The following GOLGA6L7 variants were observed in gnomAD, a reference collection of about 807,000 sequenced individuals.
GOLGA6L7 encodes the protein golgin A6 family like 7.
Under a neutral mutation model 68.9 loss-of-function variants are expected in GOLGA6L7, and 29 were observed. That is an observed-to-expected ratio of 0.42 (90% confidence interval 0.31 to 0.57). The LOEUF (loss-of-function observed/expected upper bound fraction) is 0.57. Ranked by LOEUF, GOLGA6L7 falls within the 20% of genes least tolerant of loss-of-function variation. GOLGA6L7 has a pLI of 0.13. For synonymous variants in GOLGA6L7, 133 were observed against 197.4 expected, an observed-to-expected ratio of 0.67 and a Z score of 2.73; for missense variants, 396 against 588.4, an observed-to-expected ratio of 0.67 and a Z score of 3.38.
rs372790445 is a variant in GOLGA6L7, at chr15:28,843,884, G to A, written c.522-9C>T. ...GCTCCTTATTGGTTATGCTATGGCC[G>A]GAGGCAGTAGAGAAAGGAATGAACG... On this transcript the variant is annotated splice_polypyrimidine_tract_variant and intron_variant, in intron 7 of 8. Transcript: ENST00000567390. 51 of 1,098,452 alleles carry A rather than the reference G, an allele frequency of 4.6e-5. No homozygotes were observed. The highest frequency in any genetic ancestry group is 1.5e-4 in the East Asian group (6 of 41,364). 68.0% of individuals were successfully genotyped at this position (1,098,452 alleles called of 1,614,324 possible). A position where few individuals can be genotyped will look rare whatever the true frequency, so the allele number is the denominator to read the frequency against.
At chr15:28,848,401 G>C (rs1232435281) in intron 1 of GOLGA6L7, 98 bp downstream of exon 1, 8 of 667,536 alleles carry the variant, frequency 1.2e-5, no homozygotes, top group Admixed American at 2.1e-5. Context: ...CCGGCCCTGC[G>C]TGCCTCTGGA....
At chr15:28,845,495 G>A (rs1249686822) in intron 6 of GOLGA6L7, 34 bp downstream of exon 6, 1 of 702,844 alleles carries the variant, frequency 1.4e-6, no homozygotes, top group Non-Finnish European at 2.6e-6. Context: ...GCGAAGCTGG[G>A]CTCCCAGGGG....
Position 28,845,765 on chromosome 15 carries a change from A to C in GOLGA6L7, c.308T>G (p.Leu103Arg), listed in dbSNP as rs754583240. 5.0e-6 allele frequency: 4 copies of C among 795,554 alleles called. No homozygotes were observed. The highest frequency in any genetic ancestry group is 8.8e-6 in the Non-Finnish European group (4 of 452,056). The allele number at this position is 795,554 out of a possible 1,614,324, so 49.3% of individuals were successfully genotyped here. ...CTGGCTGTCATGGAGCGCTGTCTCC[A>C]GTTCAGTTTTCTGACACATAAGGAT... ...IRILMCQKTE[L>R]ETALHDSQDA... The change falls in exon 5 of 9, where the codon CTG becomes CGG. Residue 103 changes from leucine (L) to arginine (R), a missense_variant. Physicochemically the swap from Leu to Arg is moderately radical, Grantham distance 102. This residue lies in a region of GOLGA6L7 where 125 missense variants were observed against 119.4 expected (regional missense o/e 1.05). Coordinates refer to ENST00000567390, the MANE Select transcript of GOLGA6L7 (RefSeq NM_001365371.2).
At position 28,843,311 on chromosome 15, in the gene GOLGA6L7, G is replaced by A. The variant is rs909284637; in HGVS notation, c.793C>T (p.Arg265Trp). 24 of 1,126,302 alleles carry A rather than the reference G, an allele frequency of 2.1e-5. No individual in the cohort carries two copies. Among genetic ancestry groups the A allele is most frequent in the Middle Eastern group, 2.6e-4 (1 of 3,920 alleles). The allele number at this position is 1,126,302 out of a possible 1,614,324, so 69.8% of individuals were successfully genotyped here. A position where few individuals can be genotyped will look rare whatever the true frequency, so the allele number is the denominator to read the frequency against. ...EKMWRQEQRLRDQEKELREQE... is the reference protein window; with the variant it reads ...EKMWRQEQRLWDQEKELREQE... Reference sequence around the variant, plus strand: ...TCCCGCAGCTCCTTCTCCTGGTCCCGCAGCCTCTGCTCCTGTCTCCACATC... The same window carrying A: ...TCCCGCAGCTCCTTCTCCTGGTCCCACAGCCTCTGCTCCTGTCTCCACATC... Residue 265 changes from arginine to tryptophan, a missense_variant, in exon 9 of 9, where the codon CGG (arginine) becomes TGG (tryptophan). Around this residue, in one of 5 missense-constraint regions of GOLGA6L7, gnomAD observed 125 missense variants for 119.4 expected, o/e 1.05. Coordinates refer to ENST00000567390, the MANE Select transcript of GOLGA6L7 (RefSeq NM_001365371.2).
chr15:28,843,196 T>C lies in GOLGA6L7; in HGVS notation c.908A>G (p.Glu303Gly). Residue 303 changes from glutamate (E) to glycine (G), a missense_variant, in exon 9 of 9, where the codon GAG becomes GGG. By Grantham distance (98) the Glu-to-Gly change is moderately conservative. This residue lies in a region of GOLGA6L7 where 114 missense variants were observed against 186.0 expected (regional missense o/e 0.61). Coordinates refer to ENST00000567390, the MANE Select transcript of GOLGA6L7 (RefSeq NM_001365371.2). ...RKQEEQMRKQ[E>G]EQMRKQEEQM... ...CTCCTCCTGCTTCCGCATCTGCTCC[T>C]CCTGCTTCCGCATCTGCTCCTCCTG... The C allele has an allele frequency of 2.0e-6, 1 of 497,606 alleles. No homozygotes were observed. The highest frequency in any genetic ancestry group is 2.0e-5 in the African/African-American group (1 of 49,144). 30.8% of individuals were successfully genotyped at this position (497,606 alleles called of 1,614,324 possible).
rs549668361 is a variant in GOLGA6L7 at position 28,848,291 on chromosome 15, G to A, written c.51+208C>T. 1.9e-3 allele frequency among the ~76,000 whole-genome samples: 293 copies of A among 152,202 alleles called. 1 individual carries two copies. Among genetic ancestry groups the A allele is most frequent in the African/African-American group, 6.9e-3 (286 of 41,560 alleles). On this transcript the variant is annotated intron_variant, in intron 1 of 8. Coordinates refer to ENST00000567390, the MANE Select transcript of GOLGA6L7 (RefSeq NM_001365371.2). ...GAGCCCCACGAGTCACCGGCTGAAA[G>A]TCACCCTGGGGTGACCGGTGAGGGC...
At chr15:28,846,822 T>A in intron 2 of GOLGA6L7, 1 of 475,172 alleles carries the variant, frequency 2.1e-6, no homozygotes. Context: ...CAAATCTGAT[T>A]TAAGCTTCAC....
chr15:28,848,026 T>C (rs2030502627), intron 1 of GOLGA6L7, among the ~76,000 whole-genome samples: 1 of 151,934 alleles, frequency 6.6e-6, no homozygotes, highest in African/African-American at 2.4e-5. Context: ...GGTCACAGGG[T>C]TGGGACCCAG....
At position 28,846,256 on chromosome 15, in the gene GOLGA6L7, G is replaced by A. The variant is rs1015398231; in HGVS notation, c.181-7C>T. ...GAGCTCGGTTCTGTTGTTTCTGTGG[G>A]GAGAGTCAAAGGAAGGTGACTGAGG... On this transcript the variant is annotated splice_region_variant and splice_polypyrimidine_tract_variant and intron_variant, in intron 2 of 8. Transcript: ENST00000567390. The A allele has an allele frequency of 2.2e-5, 17 of 770,510 alleles. No homozygotes were observed. The Admixed American group carries it at 3.0e-4, about 13-fold the overall frequency. The allele number at this position is 770,510 out of a possible 1,614,324, so 47.7% of individuals were successfully genotyped here.
Position 28,845,719 on chromosome 15 carries a change from T to G in GOLGA6L7, c.354A>C (p.Glu118Asp). 1.3e-6 allele frequency: 1 copy of G among 780,800 alleles called. No homozygotes were observed. The highest frequency in any genetic ancestry group is 2.3e-6 in the Non-Finnish European group (1 of 435,310). The allele number at this position is 780,800 out of a possible 1,614,324, so 48.4% of individuals were successfully genotyped here. A position where few individuals can be genotyped will look rare whatever the true frequency, so the allele number is the denominator to read the frequency against. The stretch of plus-strand genomic sequence containing the variant: ...ATGACGGGGTGCCCAGATTCCCACC[T>G]TCAAATTTCCTGGCAGCATCCTGGC... ...HDSQDAARKF[E>D]EDSKDLAARL... The change falls in exon 5 of 9, where the codon GAA (glutamate) becomes GAC (aspartate). Residue 118 changes from glutamate to aspartate, a missense_variant and splice_region_variant. By Grantham distance (45) the Glu-to-Asp change is conservative. This residue lies in a region of GOLGA6L7 where 125 missense variants were observed against 119.4 expected (regional missense o/e 1.05). Transcript: ENST00000567390.
chr15:28,843,054 C>T lies in GOLGA6L7; in HGVS notation c.1050G>A (p.Lys350=), dbSNP rs919045662. The part of the protein sequence containing the change: ...QMRKQEKQML[K]QKEQMRKQEE... ...CCTGCTTCCGCATCTGCTCCTTCTG[C>T]TTCAGCATCTGCTTCTCCTGCTTCC... Residue 350 remains lysine, a synonymous_variant, in exon 9 of 9, where the codon AAG becomes AAA. Transcript: ENST00000567390. 3.8e-5 allele frequency: 49 copies of T among 1,279,496 alleles called. 1 individual carries two copies. The East Asian group carries it at 1.3e-3, about 33-fold the overall frequency. The allele number at this position is 1,279,496 out of a possible 1,614,324, so 79.3% of individuals were successfully genotyped here. A position where few individuals can be genotyped will look rare whatever the true frequency, so the allele number is the denominator to read the frequency against.
At chr15:28,848,388 G>A in intron 1 of GOLGA6L7, 111 bp downstream of exon 1, 1 of 651,832 alleles carries the variant, frequency 1.5e-6, no homozygotes, top group Non-Finnish European at 2.8e-6. Flanking sequence ...CACTGGGGGG[G>A]GCCCGGCCCT....
In GOLGA6L7 at chr15:28,845,630, A is replaced by G; in HGVS notation, c.361T>C (p.Ser121Pro). 1 of 744,634 alleles carries G rather than the reference A, an allele frequency of 1.3e-6. No individual in the cohort carries two copies. The highest frequency in any genetic ancestry group is 2.4e-6 in the Non-Finnish European group (1 of 418,202). The allele number at this position is 744,634 out of a possible 1,614,324, so 46.1% of individuals were successfully genotyped here. A position where few individuals can be genotyped will look rare whatever the true frequency, so the allele number is the denominator to read the frequency against. ...QDAARKFEED[S>P]KDLAARLHHS... is the part of the protein sequence containing the mutation. ...TGCAGGCGGGCTGCCAGATCCTTGG[A>G]ATCTTCTGGAATGAGAGAGGTTGAG... The change falls in exon 6 of 9, where the codon TCC (serine) becomes CCC (proline). Residue 121 changes from serine (S) to proline (P), a missense_variant. Physicochemically the swap from Ser to Pro is moderately conservative, Grantham distance 74 (BLOSUM62 -1). Transcript: ENST00000567390.
At position 28,845,508 on chromosome 15, in the gene GOLGA6L7, C is replaced by T. The variant is rs746704807; in HGVS notation, c.462+21G>A. 37 of 704,090 alleles carry T rather than the reference C, an allele frequency of 5.3e-5. 1 individual carries two copies. The highest frequency in any genetic ancestry group is 5.0e-4 in the South Asian group (34 of 67,554). The allele number at this position is 704,090 out of a possible 1,614,324, so 43.6% of individuals were successfully genotyped here. A position where few individuals can be genotyped will look rare whatever the true frequency, so the allele number is the denominator to read the frequency against. On this transcript the variant is annotated intron_variant, in intron 6 of 8. Coordinates refer to ENST00000567390, the MANE Select transcript of GOLGA6L7 (RefSeq NM_001365371.2). ...CTGCGAAGCTGGGCTCCCAGGGGAC[C>T]GGGTAGGTGGTTGGACTCACCTTGT...
rs546695632 is a variant in GOLGA6L7, at chr15:28,842,575, T to C, written c.1529A>G (p.Tyr510Cys). ...QFKEERLWDEYEKMQEEEEKI... is the reference protein window; with the variant it reads ...QFKEERLWDECEKMQEEEEKI... ...CTCCTCCTCCTCCTGCATCTTCTCA[T>C]ACTCATCCCACAGCCTCTCCTCCTT... is the stretch of plus-strand genomic sequence containing the variant. The change falls in exon 9 of 9, where the codon TAT (tyrosine) becomes TGT (cysteine). Residue 510 changes from tyrosine (Y) to cysteine (C), a missense_variant. Physicochemically the swap from Tyr to Cys is radical, Grantham distance 194. Transcript: ENST00000567390. The C allele has an allele frequency of 2.9e-4, 374 of 1,277,030 alleles. 3 individuals are homozygous for C. The African/African-American group carries it at 5.4e-3, about 19-fold the overall frequency. 79.1% of individuals were successfully genotyped at this position (1,277,030 alleles called of 1,614,324 possible).
rs893055874 is a variant in GOLGA6L7 at position 28,845,826 on chromosome 15, A to G, written c.262-15T>C. 2.1e-5 allele frequency: 20 copies of G among 946,136 alleles called. No individual in the cohort carries two copies. Among genetic ancestry groups the G allele is most frequent in the Non-Finnish European group, 3.0e-5 (18 of 594,626 alleles). 58.6% of individuals were successfully genotyped at this position (946,136 alleles called of 1,614,324 possible). A position where few individuals can be genotyped will look rare whatever the true frequency, so the allele number is the denominator to read the frequency against. On this transcript the variant is annotated splice_polypyrimidine_tract_variant and intron_variant, in intron 4 of 8. Coordinates refer to ENST00000567390, the MANE Select transcript of GOLGA6L7 (RefSeq NM_001365371.2). ...TGATCCTGGGCCTTTGGGAGACAAG[A>G]AAAGCAAGTGCTGAAAGAGAAGCAA...
chr15:28,845,141 C>T (rs1004428750), intron 6 of GOLGA6L7: 3 of 389,942 alleles, frequency 7.7e-6, no homozygotes, highest in South Asian at 4.2e-5. Flanking sequence ...CACACACACA[C>T]ACACACACAC....
At chr15:28,844,369 C>T (rs1010359759) in intron 6 of GOLGA6L7, 106 bp from the exon 7 acceptor site, 15 of 403,900 alleles carry the variant, frequency 3.7e-5, no homozygotes, top group African/African-American at 1.7e-4. Flanking sequence ...TGCTCCTCTC[C>T]GTCACACCCG....
At chr15:28,844,795 C>T (rs3963664) in intron 6 of GOLGA6L7, among the ~76,000 whole-genome samples, 2,408 of 149,224 alleles carry the variant, frequency 0.016, 64 homozygotes, top group African/African-American at 0.052. Context: ...ACAGCCACCA[C>T]AGGAGACAGT....
Sources: gnomAD v4.1 joint callset for allele counts (sites outside exome capture counted in the v4.1 genomes callset) on GRCh38, gnomAD v4.1.1 for gene constraint, gnomAD v4.1.1 regional missense constraint, MANE v1.5 for transcripts, NCBI Gene and HGNC (gene_info 2026-07-23, HGNC 2026-07-21) for gene names.